Variants in NKAIN3 observed in about 807,000 individuals in gnomAD.
NKAIN3 encodes the protein sodium/potassium transporting ATPase interacting 3.
A neutral mutation model predicts 30.2 loss-of-function variants in NKAIN3; 25 were observed. The ratio of observed to expected loss-of-function variants is 0.83; its 90% CI spans 0.60 to 1.16. The LOEUF is 1.16. Among genes scored for constraint, NKAIN3 ranks in the 50% most tolerant of loss-of-function variants. NKAIN3 has a pLI of 0.00. For missense variants in NKAIN3, 225 were observed against 254.1 expected (o/e 0.89, Z 0.78); for synonymous variants, 91 against 89.6 (o/e 1.02, Z -0.09).
chr8:62,669,399 T>G (rs1813229366), intron 3 of NKAIN3, among the ~76,000 whole-genome samples: 1 of 152,158 alleles, frequency 6.6e-6, no homozygotes, highest in South Asian at 2.1e-4. Context: ...AATTACATCT[T>G]CATGGCACAT....
At chr8:62,917,899 T>C (rs1165945758) in intron 4 of NKAIN3, among the ~76,000 whole-genome samples, 1 of 152,220 alleles carries the variant, frequency 6.6e-6, no homozygotes, top group Non-Finnish European at 1.5e-5. Context: ...ATCTCTTCTG[T>C]TTTATTTTAT....
At chr8:62,339,845 A>G (rs910054929) in intron 1 of NKAIN3, among the ~76,000 whole-genome samples, 11 of 152,082 alleles carry the variant, frequency 7.2e-5, no homozygotes, top group African/African-American at 2.7e-4. Flanking sequence ...AAGAAAAAAA[A>G]TCTAACATTT....
At chr8:62,881,366 T>C (rs557987907) in intron 4 of NKAIN3, among the ~76,000 whole-genome samples, 1 of 152,356 alleles carries the variant, frequency 6.6e-6, no homozygotes, top group African/African-American at 2.4e-5. Flanking sequence ...CAGAATGTTA[T>C]GTAGCTGAAA....
At chr8:62,733,279 G>A (rs1192123278) in intron 3 of NKAIN3, among the ~76,000 whole-genome samples, 1 of 152,028 alleles carries the variant, frequency 6.6e-6, no homozygotes, top group Non-Finnish European at 1.5e-5. Context: ...TGTCTCATAT[G>A]AATAATATTT....
At chr8:62,696,117 G>A (rs763160795) in intron 3 of NKAIN3, among the ~76,000 whole-genome samples, 1 of 140,486 alleles carries the variant, frequency 7.1e-6, no homozygotes, top group Non-Finnish European at 1.5e-5. Context: ...AATGGCCTCT[G>A]TTAATTTTCA....
chr8:62,264,854 C>T (rs1812557179), intron 1 of NKAIN3, among the ~76,000 whole-genome samples: 1 of 152,126 alleles, frequency 6.6e-6, no homozygotes, highest in Non-Finnish European at 1.5e-5. Context: ...CTGGCTGCGT[C>T]ACACCATGAA....
rs141780181 is a variant in NKAIN3 at position 62,600,584 on chromosome 8, T to C, written c.273+10790T>C. Among the ~76,000 whole-genome samples, 110 of 152,166 alleles carry C rather than the reference T, an allele frequency of 7.2e-4. 1 individual carries two copies. In the Middle Eastern group the frequency reaches 0.02, roughly 28 times the overall value. ...GCTTCCTTCCGAAGGTCACTTCATT[T>C]CCCATTATAGCAAGTTGCTTCCTAC... On this transcript the variant is annotated intron_variant, in intron 3 of 6. Transcript: ENST00000623646.
At chr8:62,917,166 C>G (rs559804500) in intron 4 of NKAIN3, among the ~76,000 whole-genome samples, 1 of 152,220 alleles carries the variant, frequency 6.6e-6, no homozygotes, top group East Asian at 1.9e-4. Flanking sequence ...ACATCCTGCC[C>G]TGCCAATTCC....
intron 4 of NKAIN3, among the ~76,000 whole-genome samples, chr8:62,774,308 G>T (rs937014908): frequency 1.3e-5 from 2 of 152,126 alleles, no homozygotes; most frequent in Non-Finnish European, 2.9e-5. Context: ...TTTTCTTGTG[G>T]AGTCTTTAGG....
intron 1 of NKAIN3, among the ~76,000 whole-genome samples, chr8:62,290,934 C>A (rs914670472): frequency 6.6e-6 from 1 of 152,126 alleles, no homozygotes; most frequent in Non-Finnish European, 1.5e-5. Context: ...TGGGTCTATT[C>A]AGGGATTCCA....
intron 4 of NKAIN3, among the ~76,000 whole-genome samples, chr8:62,796,897 A>T (rs1330442190): frequency 1.3e-5 from 2 of 152,004 alleles, no homozygotes; most frequent in African/African-American, 4.8e-5. Flanking sequence ...TTCAAGTGTG[A>T]TTTTATTCAT....
At chr8:62,994,204 A>T (rs60782904) in intron 5 of NKAIN3, among the ~76,000 whole-genome samples, 29,675 of 152,168 alleles carry the variant, frequency 0.2, 3,006 homozygotes, top group East Asian at 0.41. Context: ...AAGATTAGAA[A>T]CAACCCAAAT....
chr8:62,394,491 T>A (rs201656190), intron 1 of NKAIN3, among the ~76,000 whole-genome samples: 4 of 145,744 alleles, frequency 2.7e-5, no homozygotes, highest in African/African-American at 7.6e-5. Flanking sequence ...TTTTTTTTTT[T>A]AATTTAAAAG....
At chr8:62,426,713 G>A (rs1225620836) in intron 1 of NKAIN3, among the ~76,000 whole-genome samples, 1 of 152,004 alleles carries the variant, frequency 6.6e-6, no homozygotes, top group Non-Finnish European at 1.5e-5. Context: ...AAAGGCTGAA[G>A]TGAATATATA....
chr8:62,583,835 T>C (rs1460310306), intron 2 of NKAIN3, among the ~76,000 whole-genome samples: 1 of 152,248 alleles, frequency 6.6e-6, no homozygotes, highest in African/African-American at 2.4e-5. Flanking sequence ...AATATGGGTA[T>C]AAATTATCTA....
intron 1 of NKAIN3, among the ~76,000 whole-genome samples, chr8:62,455,326 A>G (rs1021931964): frequency 6.6e-6 from 1 of 152,246 alleles, no homozygotes; most frequent in Non-Finnish European, 1.5e-5. Flanking sequence ...TCCATGGACT[A>G]CTATGCAGTC....
chr8:62,536,966 C>T (rs1261524139), intron 1 of NKAIN3, among the ~76,000 whole-genome samples: 4 of 152,106 alleles, frequency 2.6e-5, no homozygotes, highest in Non-Finnish European at 4.4e-5. Flanking sequence ...AAGACAGCCA[C>T]AGTTGTTGAA....
chr8:62,986,005 A>G (rs1824192026), downstream of NKAIN3, among the ~76,000 whole-genome samples: 1 of 152,198 alleles, frequency 6.6e-6, no homozygotes, highest in Non-Finnish European at 1.5e-5. Flanking sequence ...CCAAATTTTA[A>G]GAAGAAAAGT....
chr8:62,288,607 T>G (rs1813462063), intron 1 of NKAIN3, among the ~76,000 whole-genome samples: 1 of 152,216 alleles, frequency 6.6e-6, no homozygotes, highest in South Asian at 2.1e-4. Context: ...TTCCATGGTG[T>G]GTATGTGCCA....
Sources: gnomAD v4.1 joint callset for allele counts (sites outside exome capture counted in the v4.1 genomes callset) on GRCh38, gnomAD v4.1.1 for gene constraint, MANE v1.5 for transcripts, NCBI Gene and HGNC (gene_info 2026-07-23, HGNC 2026-07-21) for gene names.